Variants in TUBGCP4 observed in about 807,000 individuals in gnomAD.
TUBGCP4 encodes the protein tubulin gamma complex component 4, also known as gamma-tubulin complex component 4.
Under a neutral mutation model 91.6 loss-of-function variants are expected in TUBGCP4, and 54 were observed. The ratio of observed to expected loss-of-function variants is 0.59; its 90% confidence interval spans 0.47 to 0.74. The LOEUF is 0.74. Among genes scored for constraint, TUBGCP4 ranks in the 30% least tolerant of loss-of-function variants. The pLI is 0.00. For synonymous variants in TUBGCP4, 297 were observed against 302.8 expected, an observed-to-expected ratio of 0.98 and a Z score of 0.20; for missense variants, 593 against 800.9, an observed-to-expected ratio of 0.74 and a Z score of 3.13.
In TUBGCP4 at chr15:43,385,879, G is replaced by A. The variant is rs1002938736; in HGVS notation, c.812G>A (p.Arg271Lys). The change falls in exon 8 of 18, where the codon AGG becomes AAG. Residue 271 changes from arginine (R) to lysine (K), a missense_variant. By Grantham distance (26) the Arg-to-Lys change is conservative (BLOSUM62 2). Transcript: ENST00000564079. ...VEILPSYIPVRVAEKILFVGE... is the reference protein window; with the variant it reads ...VEILPSYIPVKVAEKILFVGE... ...ATTTTGCCATCCTACATTCCAGTGA[G>A]GGTTGCTGAAAAAATCCTATTTGTT... is the stretch of plus-strand genomic sequence containing the variant. 6.2e-7 allele frequency: 1 copy of A among 1,613,924 alleles called. No homozygotes were observed. Among genetic ancestry groups the A allele is most frequent in the Non-Finnish European group, 8.5e-7 (1 of 1,180,002 alleles).
chr15:43,401,868 G>C lies in TUBGCP4; in HGVS notation c.1731+18G>C, dbSNP rs765379697. 5.3e-5 allele frequency: 86 copies of C among 1,613,600 alleles called. No homozygotes were observed. The Admixed American group carries it at 1.4e-3, about 26-fold the overall frequency. On this transcript the variant is annotated intron_variant, in intron 15 of 17. Coordinates refer to ENST00000564079, the MANE Select transcript of TUBGCP4 (RefSeq NM_014444.5). ...TGAAACCTGTAAGTAAGGCTCATTG[G>C]TTTCCTCAGACTGCTTCTACCACTG...
chr15:43,385,460 TAGAG>T (rs2044341295), intron 7 of TUBGCP4: 2 of 461,230 alleles, frequency 4.3e-6, no homozygotes, highest in Non-Finnish European at 8.5e-6. Context: ...AGAGAAGACA[TAGAG>T]AGAAGACCTG....
Position 43,405,392 on chromosome 15 carries a change from C to T in TUBGCP4, c.*178C>T, listed in dbSNP as rs185998688. On this transcript the variant is annotated 3_prime_UTR_variant, in exon 18 of 18. Transcript: ENST00000564079. ...GGAGTACAACTCCTTCCCATCATTC[C>T]CATGTGGAAGGGTCTCTCCCATCAA... is the stretch of plus-strand genomic sequence containing the variant. The T allele has an allele frequency of 6.0e-5, 40 of 663,392 alleles. No individual in the cohort carries two copies. In the African/African-American group the frequency reaches 7.1e-4, roughly 12 times the overall value. 41.1% of individuals were successfully genotyped at this position (663,392 alleles called of 1,614,324 possible).
In TUBGCP4 at chr15:43,397,241, C is replaced by G; in HGVS notation, c.1199C>G (p.Ala400Gly). The G allele has an allele frequency of 1.2e-6, 2 of 1,614,116 alleles. No homozygotes were observed. The highest frequency in any genetic ancestry group is 1.7e-6 in the Non-Finnish European group (2 of 1,179,974). ...HDVNVAFQQS[A>G]HKVLLDDDNL... is the part of the protein sequence containing the mutation. Reference sequence around the variant, plus strand: ...GTGAATGTGGCCTTTCAACAGTCAGCACACAAGGTATTGCTAGATGATGAC... The same window carrying G: ...GTGAATGTGGCCTTTCAACAGTCAGGACACAAGGTATTGCTAGATGATGAC... The change falls in exon 12 of 18, where the codon GCA (alanine) becomes GGA (glycine). Residue 400 changes from alanine (A) to glycine (G), a missense_variant. Transcript: ENST00000564079.
chr15:43,401,851 G>A lies in TUBGCP4; in HGVS notation c.1731+1G>A, dbSNP rs2044688158. On this transcript the variant is annotated splice_donor_variant, in intron 15 of 17. Transcript: ENST00000564079. LOFTEE classifies it high-confidence loss of function. ...TCAATCCTTTATCCTATTGAAACCT[G>A]TAAGTAAGGCTCATTGGTTTCCTCA... 1 of 1,613,902 alleles carries A rather than the reference G, an allele frequency of 6.2e-7. No homozygotes were observed. Among genetic ancestry groups the A allele is most frequent in the Non-Finnish European group, 8.5e-7 (1 of 1,179,962 alleles).
At chr15:43,395,523 A>G (rs1001210463) in intron 10 of TUBGCP4, 60 bp from the exon 11 acceptor site, 7 of 1,232,452 alleles carry the variant, frequency 5.7e-6, no homozygotes, top group African/African-American at 1.5e-5. Flanking sequence ...GTAATTCCTC[A>G]GGACAGTGAG....
chr15:43,399,042 CT>C, intron 13 of TUBGCP4: 1 of 800,656 alleles, frequency 1.2e-6, no homozygotes, highest in Non-Finnish European at 1.7e-6. Context: ...TAAAAATTAT[CT>C]TTATGTTTGG....
intron 7 of TUBGCP4, among the ~76,000 whole-genome samples, chr15:43,384,379 C>G (rs1460268024): frequency 6.6e-6 from 1 of 152,122 alleles, no homozygotes; most frequent in Non-Finnish European, 1.5e-5. Context: ...ATTCTTGGAA[C>G]ATGGTCATGG....
chr15:43,395,253 G>T (rs930473316), intron 10 of TUBGCP4, 96 bp downstream of exon 10: 2 of 1,339,562 alleles, frequency 1.5e-6, no homozygotes, highest in Non-Finnish European at 2.1e-6. Flanking sequence ...CCTATACCCA[G>T]ACTTCCAGAG....
chr15:43,393,789 T>C (rs1000666830), intron 9 of TUBGCP4, among the ~76,000 whole-genome samples: 2 of 152,218 alleles, frequency 1.3e-5, no homozygotes, highest in Admixed American at 1.3e-4. Context: ...CCATTTTTTA[T>C]GGCTGCATAG....
At chr15:43,388,965 A>C (rs1314251435) in intron 9 of TUBGCP4, among the ~76,000 whole-genome samples, 2 of 152,178 alleles carry the variant, frequency 1.3e-5, no homozygotes, top group African/African-American at 4.8e-5. Context: ...AAGTTCAAAA[A>C]CAGGCAAAGT....
Position 43,399,173 on chromosome 15 carries a change from A to G in TUBGCP4, c.1419-871A>G, listed in dbSNP as rs1030782180. 264 of 1,236,444 alleles carry G rather than the reference A, an allele frequency of 2.1e-4. 1 individual carries two copies. Among genetic ancestry groups the G allele is most frequent in the Middle Eastern group, 1.1e-3 (5 of 4,436 alleles). 76.6% of individuals were successfully genotyped at this position (1,236,444 alleles called of 1,614,324 possible). ...GTCTTCTGCAAGCCTACCTACAAACAGGTAAATAAATCCTATTCTACCAGG... is the reference window on the plus strand; with the variant it reads ...GTCTTCTGCAAGCCTACCTACAAACGGGTAAATAAATCCTATTCTACCAGG... On this transcript the variant is annotated intron_variant, in intron 13 of 17. Transcript: ENST00000564079.
At chr15:43,402,148 T>G (rs1050610683) in intron 15 of TUBGCP4, 11 of 244,632 alleles carry the variant, frequency 4.5e-5, no homozygotes, top group Non-Finnish European at 8.0e-5. Context: ...GTGTGGTGGC[T>G]CGCGCCTGTA....
intron 1 of TUBGCP4, among the ~76,000 whole-genome samples, chr15:43,371,964 T>C (rs1400286798): frequency 6.6e-6 from 1 of 152,204 alleles, no homozygotes; most frequent in Non-Finnish European, 1.5e-5. Flanking sequence ...ATGTTCCGTA[T>C]GCATTATCTT....
At chr15:43,379,945 C>T in intron 5 of TUBGCP4, 139 bp from the exon 6 acceptor site, 1 of 781,558 alleles carries the variant, frequency 1.3e-6, no homozygotes, top group South Asian at 1.6e-5. Context: ...CTTTGAGAAC[C>T]ACTATGTGTA....
Position 43,397,281 on chromosome 15 carries a change from G to C in TUBGCP4, c.1239G>C (p.Leu413=), listed in dbSNP as rs2044597324. Residue 413 remains leucine, a synonymous_variant, in exon 12 of 18, where the codon CTG becomes CTC. Coordinates refer to ENST00000564079, the MANE Select transcript of TUBGCP4 (RefSeq NM_014444.5). ...VLLDDDNLLP[L]LHLTIEYHGK... ...TAGATGATGACAACCTTCTCCCTCTGTTGCACTTGACAATCGAGTATCACG... is the reference window on the plus strand; with the variant it reads ...TAGATGATGACAACCTTCTCCCTCTCTTGCACTTGACAATCGAGTATCACG... 1 of 1,614,136 alleles carries C rather than the reference G, an allele frequency of 6.2e-7. No individual in the cohort carries two copies. Among genetic ancestry groups the C allele is most frequent in the Non-Finnish European group, 8.5e-7 (1 of 1,180,020 alleles).
intron 14 of TUBGCP4, 107 bp downstream of exon 14, chr15:43,400,328 G>C: frequency 3.4e-6 from 3 of 891,902 alleles, no homozygotes; most frequent in Non-Finnish European, 4.9e-6. Context: ...AAAATGGTGG[G>C]GTTTGGGAAA....
intron 14 of TUBGCP4, among the ~76,000 whole-genome samples, chr15:43,400,637 G>A (rs2004809): frequency 0.03 from 4,501 of 151,986 alleles, 189 homozygotes; most frequent in East Asian, 0.12. Flanking sequence ...TGGCTTCAGC[G>A]AGGTGTCATG....
At chr15:43,400,257 G>A (rs369115642) in intron 14 of TUBGCP4, 36 bp downstream of exon 14, 68 of 1,585,858 alleles carry the variant, frequency 4.3e-5, no homozygotes, top group African/African-American at 1.7e-4. Context: ...GAAGGGGTAC[G>A]GAAAAACGTC....
Sources: gnomAD v4.1 joint callset for allele counts (sites outside exome capture counted in the v4.1 genomes callset) on GRCh38, gnomAD v4.1.1 for gene constraint, MANE v1.5 for transcripts, NCBI Gene and HGNC (gene_info 2026-07-23, HGNC 2026-07-21) for gene names.